Variants in MAML3 observed in about 807,000 individuals in gnomAD.
MAML3 encodes the protein mastermind like transcriptional coactivator 3.
In MAML3, 27 loss-of-function variants were observed where a neutral mutation model predicts 101.9. The ratio of observed to expected loss-of-function variants is 0.27; its 90% confidence interval spans 0.20 to 0.37. The LOEUF (loss-of-function observed/expected upper bound fraction) is 0.37, where lower values mean the gene tolerates loss of function less well. Among genes scored for constraint, MAML3 ranks in the 10% least tolerant of loss-of-function variants. The pLI, the probability that MAML3 is intolerant of heterozygous loss-of-function variation, is 1.00. For missense variants in MAML3, 1,316 were observed against 1,444.9 expected (o/e 0.91, Z 1.45); for synonymous variants, 501 against 555.9 (o/e 0.90, Z 1.39).
chr4:140,004,222 C>G (rs1315841921), intron 1 of MAML3, among the ~76,000 whole-genome samples: 4 of 152,210 alleles, frequency 2.6e-5, no homozygotes, highest in African/African-American at 9.6e-5. Context: ...ACTGGCAGTT[C>G]TCTCAATATT....
chr4:139,923,227 C>G (rs143562345), intron 1 of MAML3, among the ~76,000 whole-genome samples: 1 of 152,144 alleles, frequency 6.6e-6, no homozygotes, highest in Non-Finnish European at 1.5e-5. Context: ...GGGATCCAGA[C>G]GGTGGAAGCT....
chr4:140,045,969 G>A (rs770506335), intron 1 of MAML3, among the ~76,000 whole-genome samples: 1 of 152,180 alleles, frequency 6.6e-6, no homozygotes, highest in Non-Finnish European at 1.5e-5. Flanking sequence ...TATATGCAAA[G>A]GGAGAGGAAT....
At chr4:139,772,113 G>A (rs779376217) in intron 2 of MAML3, among the ~76,000 whole-genome samples, 1 of 150,904 alleles carries the variant, frequency 6.6e-6, no homozygotes. Context: ...GGTGGCAGGT[G>A]CCTGTAGTTC....
chr4:139,752,456 G>C (rs1250885303), intron 2 of MAML3, among the ~76,000 whole-genome samples: 1 of 152,086 alleles, frequency 6.6e-6, no homozygotes, highest in Admixed American at 6.6e-5. Flanking sequence ...CTCTCTCTGT[G>C]CTCACAACCC....
chr4:140,122,219 A>T (rs6850180), intron 1 of MAML3, among the ~76,000 whole-genome samples: 1 of 141,182 alleles, frequency 7.1e-6, no homozygotes. Context: ...ATCAAACGAG[A>T]CTTTTTTTTT....
chr4:140,019,744 G>A (rs1726703011), intron 1 of MAML3, among the ~76,000 whole-genome samples: 1 of 152,196 alleles, frequency 6.6e-6, no homozygotes, highest in African/African-American at 2.4e-5. Flanking sequence ...AAGACTGCAA[G>A]GTCCTTGAAA....
At chr4:139,846,654 T>C (rs981155297) in intron 2 of MAML3, among the ~76,000 whole-genome samples, 2 of 152,334 alleles carry the variant, frequency 1.3e-5, no homozygotes, top group African/African-American at 2.4e-5. Context: ...AGACTAAAGA[T>C]GTATTTTAAA....
intron 1 of MAML3, among the ~76,000 whole-genome samples, chr4:140,040,740 A>G (rs751079710): frequency 6.6e-6 from 1 of 152,252 alleles, no homozygotes; most frequent in African/African-American, 2.4e-5. Context: ...CCAGAGTAGG[A>G]GAATCAGTGT....
At chr4:139,775,735 T>G (rs943024418) in intron 2 of MAML3, among the ~76,000 whole-genome samples, 3 of 152,284 alleles carry the variant, frequency 2.0e-5, no homozygotes, top group Admixed American at 6.5e-5. Flanking sequence ...TTCCGGTATA[T>G]CACGTCAAAC....
At chr4:139,866,529 G>A (rs1731902170) in intron 2 of MAML3, among the ~76,000 whole-genome samples, 1 of 152,188 alleles carries the variant, frequency 6.6e-6, no homozygotes, top group Admixed American at 6.5e-5. Context: ...GTGTCCCCCA[G>A]AGAGGTTTTC....
At chr4:139,946,802 C>G (rs1733735208) in intron 1 of MAML3, among the ~76,000 whole-genome samples, 1 of 151,514 alleles carries the variant, frequency 6.6e-6, no homozygotes, top group Admixed American at 6.6e-5. Context: ...TCAAGAAATA[C>G]TACACTTCTA....
In MAML3 at chr4:139,785,504, C is replaced by T. The variant is rs1427171408; in HGVS notation, c.2080-54837G>A. On this transcript the variant is annotated intron_variant, in intron 2 of 4. Coordinates refer to ENST00000509479, the MANE Select transcript of MAML3 (RefSeq NM_018717.5). The surrounding 1 kb of genome is among the most constrained non-coding windows in gnomAD (Gnocchi z 4.3). ...TATTTTTGTACGGAATGTGGTGATC[C>T]CCACTGGCAGGAACAGGTTGCATGT... 2.6e-5 allele frequency among the ~76,000 whole-genome samples: 4 copies of T among 152,060 alleles called. No individual in the cohort carries two copies. The highest frequency in any genetic ancestry group is 4.4e-5 in the Non-Finnish European group (3 of 68,016).
At chr4:140,055,354 G>C (rs1366720462) in intron 1 of MAML3, among the ~76,000 whole-genome samples, 2 of 152,220 alleles carry the variant, frequency 1.3e-5, no homozygotes, top group East Asian at 3.9e-4. Context: ...GCACTAACCT[G>C]AAGAAAAAAA....
At chr4:139,922,770 C>T (rs186864395) in intron 1 of MAML3, among the ~76,000 whole-genome samples, 3 of 152,316 alleles carry the variant, frequency 2.0e-5, no homozygotes, top group African/African-American at 7.2e-5. Flanking sequence ...ACAATGCTCA[C>T]GTGGTGCCAT....
intron 1 of MAML3, among the ~76,000 whole-genome samples, chr4:139,905,503 A>AAAAAAAAAAAAAAAAAAAC (rs1732808451): frequency 1.3e-5 from 2 of 151,676 alleles, no homozygotes; most frequent in Non-Finnish European, 2.9e-5. Flanking sequence ...AAAAAAAAAA[A>AAAAAAAAAAAAAAAAAAAC]AAAAATCAGT....
chr4:139,817,032 G>A (rs1291619089), intron 2 of MAML3, among the ~76,000 whole-genome samples: 2 of 152,042 alleles, frequency 1.3e-5, no homozygotes, highest in Non-Finnish European at 2.9e-5. Context: ...TACAACACAG[G>A]CTAGGTGCTA....
intron 2 of MAML3, among the ~76,000 whole-genome samples, chr4:139,774,298 T>A (rs920663645): frequency 6.6e-6 from 1 of 152,256 alleles, no homozygotes; most frequent in South Asian, 2.1e-4. Context: ...GATACTCTGT[T>A]ACTGTCTCCT....
intron 1 of MAML3, among the ~76,000 whole-genome samples, chr4:140,068,483 G>A (rs1434709123): frequency 6.6e-6 from 1 of 152,152 alleles, no homozygotes; most frequent in Non-Finnish European, 1.5e-5. Context: ...TTTTCAGACT[G>A]ATTGAGTCAT....
chr4:139,921,209 C>T (rs767366427), intron 1 of MAML3, among the ~76,000 whole-genome samples: 4 of 152,172 alleles, frequency 2.6e-5, no homozygotes, highest in Non-Finnish European at 2.9e-5. Context: ...GCCCCTGACA[C>T]GAACTCCCAA....
Sources: gnomAD v4.1 joint callset for allele counts (sites outside exome capture counted in the v4.1 genomes callset) on GRCh38, gnomAD v4.1.1 for gene constraint, Gnocchi (gnomAD v3.1) non-coding constraint, MANE v1.5 for transcripts, NCBI Gene and HGNC (gene_info 2026-07-23, HGNC 2026-07-21) for gene names.